The following ASIC2 variants were observed in gnomAD, a reference collection of about 807,000 sequenced individuals.
ASIC2 encodes acid sensing ion channel subunit 2, also known as acid-sensing ion channel 2.
ASIC2 carries 25 observed loss-of-function variants against 57.3 expected under a neutral mutation model. That is an observed-to-expected ratio of 0.44 (90% CI 0.32 to 0.61). The LOEUF (loss-of-function observed/expected upper bound fraction) is 0.61. Among genes scored for constraint, ASIC2 ranks in the 20% least tolerant of loss-of-function variants. The pLI is 0.06. For synonymous variants in ASIC2, 319 were observed against 307.5 expected (o/e 1.04, Z -0.39); for missense variants, 641 against 738.1 (o/e 0.87, Z 1.52).
chr17:33,114,974 A>G (rs1412393827), intron 1 of ASIC2, among the ~76,000 whole-genome samples: 1 of 152,192 alleles, frequency 6.6e-6, no homozygotes, highest in East Asian at 1.9e-4. Flanking sequence ...CTTTGAGCAG[A>G]TACAGTGGGA....
Position 34,156,101 on chromosome 17 carries a change from C to A in ASIC2, c.432G>T (p.Lys144Asn), listed in dbSNP as rs1359173035. 6.2e-7 allele frequency: 1 copy of A among 1,613,960 alleles called. No individual in the cohort carries two copies. Among genetic ancestry groups the A allele is most frequent in the Admixed American group, 1.7e-5 (1 of 60,006 alleles). Residue 144 changes from lysine (K) to asparagine (N), a missense_variant, in exon 1 of 10, where the codon AAG (lysine) becomes AAT (asparagine). Lys to Asn is a moderately conservative substitution (Grantham distance 94). Coordinates refer to the ASIC2 transcript ENST00000359872. The surrounding 1 kb of genome is among the most constrained non-coding windows in gnomAD (Gnocchi z 4.4). ...TGCTGAACTGCTTGGGTTTGTAGTGCTTGAAGTTGGCCTTCTGCCGCAGGG... is the reference window on the plus strand; with the variant it reads ...TGCTGAACTGCTTGGGTTTGTAGTGATTGAAGTTGGCCTTCTGCCGCAGGG...
At chr17:34,127,988 T>C (rs1439829319) in intron 1 of ASIC2, among the ~76,000 whole-genome samples, 3 of 152,030 alleles carry the variant, frequency 2.0e-5, no homozygotes, top group African/African-American at 4.8e-5. Context: ...TCAACCTCCC[T>C]GAATCTCAGA....
chr17:33,753,388 G>C (rs758224873), intron 1 of ASIC2, among the ~76,000 whole-genome samples: 3 of 152,126 alleles, frequency 2.0e-5, no homozygotes, highest in Non-Finnish European at 4.4e-5. Context: ...TGTAGTAGTG[G>C]ACACACGTCA....
chr17:33,946,934 T>C (rs554970976), intron 1 of ASIC2, among the ~76,000 whole-genome samples: 47 of 152,212 alleles, frequency 3.1e-4, no homozygotes, highest in African/African-American at 1.1e-3. Flanking sequence ...AGATGGGGCA[T>C]ATATGTCCTC....
At chr17:34,030,525 G>A (rs1296367956) in intron 1 of ASIC2, among the ~76,000 whole-genome samples, 1 of 152,322 alleles carries the variant, frequency 6.6e-6, no homozygotes, top group Admixed American at 6.5e-5. Context: ...AGTAGGTGCA[G>A]TGCACCGTGC....
chr17:33,534,198 T>TCA (rs1915150812), intron 1 of ASIC2: 2 of 152,116 alleles, frequency 1.3e-5, no homozygotes, highest in Non-Finnish European at 2.9e-5. Flanking sequence ...TGCCTTCAGA[T>TCA]CACTCCCCAG....
intron 1 of ASIC2, among the ~76,000 whole-genome samples, chr17:33,685,017 C>G (rs1908136766): frequency 6.6e-6 from 1 of 152,194 alleles, no homozygotes; most frequent in Non-Finnish European, 1.5e-5. Flanking sequence ...TCTTCCCCCT[C>G]CAGCCTTTAT....
chr17:33,032,951 C>A (rs1213913605), intron 3 of ASIC2, among the ~76,000 whole-genome samples: 7 of 151,622 alleles, frequency 4.6e-5, no homozygotes. Flanking sequence ...TTACTTATGG[C>A]AAAATTTCTC....
chr17:33,567,822 C>T (rs1294446670), intron 1 of ASIC2, among the ~76,000 whole-genome samples: 1 of 151,954 alleles, frequency 6.6e-6, no homozygotes, highest in East Asian at 1.9e-4. Context: ...GACTTTGCTA[C>T]AAGTCCCAGA....
intron 3 of ASIC2, among the ~76,000 whole-genome samples, chr17:33,084,625 G>A (rs978540605): frequency 6.6e-6 from 1 of 152,260 alleles, no homozygotes; most frequent in Non-Finnish European, 1.5e-5. Context: ...TGTTGTGGGA[G>A]ATTAAATGAG....
At chr17:33,334,173 A>G (rs1044810069) in intron 1 of ASIC2, among the ~76,000 whole-genome samples, 4 of 152,204 alleles carry the variant, frequency 2.6e-5, no homozygotes, top group African/African-American at 9.7e-5. Context: ...CAGAGTCTAC[A>G]TGTTCCAAAA....
chr17:33,962,611 G>A (rs564181819), intron 1 of ASIC2, among the ~76,000 whole-genome samples: 70 of 152,214 alleles, frequency 4.6e-4, no homozygotes, highest in African/African-American at 1.6e-3. Context: ...CGCTTGTACT[G>A]GGGGCTACTG....
intron 1 of ASIC2, among the ~76,000 whole-genome samples, chr17:33,282,767 C>G (rs9891782): frequency 0.26 from 39,193 of 152,024 alleles, 5,267 homozygotes; most frequent in East Asian, 0.45. Flanking sequence ...AACCACCACG[C>G]CCGGCCTCTT....
In ASIC2 at chr17:33,802,829, T is replaced by C. The variant is rs546780825; in HGVS notation, c.555+353149A>G. ...CATTGCTCCTGCCAACCTTCCCTCT[T>C]GTGTGCTCTTTCGTGGGGTTGAGGA... On this transcript the variant is annotated intron_variant, in intron 1 of 9. Coordinates refer to the ASIC2 transcript ENST00000359872. Among the ~76,000 whole-genome samples the C allele has an allele frequency of 5.3e-5, 8 of 152,364 alleles. No homozygotes were observed. In the East Asian group the frequency reaches 1.2e-3, roughly 22 times the overall value.
chr17:33,289,888 T>C (rs1905350597), intron 1 of ASIC2, among the ~76,000 whole-genome samples: 1 of 152,198 alleles, frequency 6.6e-6, no homozygotes, highest in South Asian at 2.1e-4. Flanking sequence ...CTCTTGAGGC[T>C]GCTAATTAGT....
intron 1 of ASIC2, among the ~76,000 whole-genome samples, chr17:33,907,057 G>C (rs962662766): frequency 3.3e-5 from 5 of 152,146 alleles, no homozygotes; most frequent in Non-Finnish European, 7.3e-5. Context: ...TGGGTATAGA[G>C]AGCTCAGGTA....
chr17:33,875,168 G>C (rs866531698), intron 1 of ASIC2, among the ~76,000 whole-genome samples: 17 of 152,162 alleles, frequency 1.1e-4, no homozygotes, highest in African/African-American at 3.6e-4. Context: ...AAAAAAGTGG[G>C]CTCAATCACT....
At chr17:33,383,048 C>CAAACAAACAAACAAAT (rs1279608624) in intron 1 of ASIC2, among the ~76,000 whole-genome samples, 4 of 151,808 alleles carry the variant, frequency 2.6e-5, no homozygotes, top group Non-Finnish European at 5.9e-5. Flanking sequence ...AACAAACAAA[C>CAAACAAACAAACAAAT]AAACACCACA....
intron 1 of ASIC2, among the ~76,000 whole-genome samples, chr17:33,374,100 A>C (rs1909188682): frequency 6.6e-6 from 1 of 152,086 alleles, no homozygotes; most frequent in Admixed American, 6.5e-5. Flanking sequence ...GGCTCAAGTG[A>C]TTCACCTGCC....
Sources: gnomAD v4.1 joint callset for allele counts (sites outside exome capture counted in the v4.1 genomes callset) on GRCh38, gnomAD v4.1.1 for gene constraint, Gnocchi (gnomAD v3.1) non-coding constraint, MANE v1.5 for transcripts, NCBI Gene and HGNC (gene_info 2026-07-23, HGNC 2026-07-21) for gene names.